The following FGF12 variants were observed in gnomAD, a reference collection of about 807,000 sequenced individuals.
FGF12 encodes the protein fibroblast growth factor 12B.
Under a neutral mutation model 23.6 loss-of-function variants are expected in FGF12, and 14 were observed. The ratio of observed to expected loss-of-function variants is 0.59; its 90% confidence interval spans 0.39 to 0.93. The LOEUF is 0.93. Among genes scored for constraint, FGF12 ranks in the 40% least tolerant of loss-of-function variants. The pLI, the probability that FGF12 is intolerant of heterozygous loss-of-function variation, is 0.00. For synonymous variants in FGF12, 62 were observed against 77.3 expected, an observed-to-expected ratio of 0.80 and a Z score of 1.04; for missense variants, 175 against 217.8, an observed-to-expected ratio of 0.80 and a Z score of 1.24.
intron 4 of FGF12, among the ~76,000 whole-genome samples, chr3:192,192,843 T>A (rs1716864174): frequency 6.6e-6 from 1 of 152,198 alleles, no homozygotes; most frequent in African/African-American, 2.4e-5. Flanking sequence ...TAGCATATCA[T>A]TGTGTAAATA....
At chr3:192,567,789 CTTTCTTTCTTTCTCTT>C (rs1211983243) in intron 2 of FGF12, among the ~76,000 whole-genome samples, 13 of 130,386 alleles carry the variant, frequency 1.0e-4, no homozygotes, top group African/African-American at 3.6e-4. Flanking sequence ...TTCTTTCTTT[CTTTCTTTCTTTCTCTT>C]TCTTTCTTTC....
intron 4 of FGF12, among the ~76,000 whole-genome samples, chr3:192,331,872 AAT>A (rs1717140742): frequency 6.6e-6 from 1 of 152,122 alleles, no homozygotes. Context: ...TGCTGAGAAA[AAT>A]ATTGGTCTAC....
chr3:192,284,380 C>A (rs1714324783), intron 4 of FGF12, among the ~76,000 whole-genome samples: 1 of 151,932 alleles, frequency 6.6e-6, no homozygotes, highest in Non-Finnish European at 1.5e-5. Flanking sequence ...AAAATATGCC[C>A]CAATTGCTGC....
chr3:192,167,754 TATATATATATATATAAAA>T lies in FGF12; in HGVS notation c.427+2686_427+2703del, dbSNP rs1560175616. Among the ~76,000 whole-genome samples the T allele has an allele frequency of 7.4e-4, 21 of 28,334 alleles. No homozygotes were observed. The South Asian group carries it at 0.012, about 17-fold the overall frequency. The allele number at this position is 28,334 out of a possible 152,430, so 18.6% of individuals were successfully genotyped here. A position where few individuals can be genotyped will look rare whatever the true frequency, so the allele number is the denominator to read the frequency against. ...AGGTATATATATATATATATATATATATATATATATATATAAAATTTTTTTTTTTTTTTTTTTTTGAGA... is the reference window on the plus strand; with the variant it reads ...AGGTATATATATATATATATATATATTTTTTTTTTTTTTTTTTTTTTGAGA... On this transcript the variant is annotated intron_variant, in intron 5 of 5. Transcript: ENST00000445105.
rs185479253 is a variant in FGF12 at position 192,520,212 on chromosome 3, C to T, written c.14-159674G>A. 5.0e-4 allele frequency among the ~76,000 whole-genome samples: 76 copies of T among 152,272 alleles called. 1 individual carries two copies. The highest frequency in any genetic ancestry group is 1.7e-3 in the African/African-American group (72 of 41,556). ...ATCGGTATATCTTTTTAGATAGATT[C>T]TGATATATCATGTAGAGCTAGAGAT... On this transcript the variant is annotated intron_variant, in intron 2 of 5. Coordinates refer to ENST00000445105, the MANE Select transcript of FGF12 (RefSeq NM_004113.6).
intron 2 of FGF12, among the ~76,000 whole-genome samples, chr3:192,598,925 T>C (rs1713978151): frequency 6.6e-6 from 1 of 152,086 alleles, no homozygotes; most frequent in African/African-American, 2.4e-5. Flanking sequence ...TGGAATACTA[T>C]GCAGCCATAA....
chr3:192,405,535 C>T (rs1456099708), intron 2 of FGF12, among the ~76,000 whole-genome samples: 1 of 151,338 alleles, frequency 6.6e-6, no homozygotes, highest in Non-Finnish European at 1.5e-5. Context: ...TTCCACTTCA[C>T]CACTTTACCA....
intron 4 of FGF12, among the ~76,000 whole-genome samples, chr3:192,183,875 G>C (rs1446004576): frequency 6.6e-6 from 1 of 152,084 alleles, no homozygotes; most frequent in East Asian, 1.9e-4. Flanking sequence ...TGCCACAGTG[G>C]GTGCTTTGCT....
intron 3 of FGF12, among the ~76,000 whole-genome samples, chr3:192,353,604 T>C (rs2108725856): frequency 6.6e-6 from 1 of 152,072 alleles, no homozygotes; most frequent in Middle Eastern, 3.4e-3. Flanking sequence ...CACCTGACCT[T>C]GTGATCCGCC....
At chr3:192,502,572 A>G (rs1221233852) in intron 2 of FGF12, among the ~76,000 whole-genome samples, 1 of 152,220 alleles carries the variant, frequency 6.6e-6, no homozygotes, top group Admixed American at 6.5e-5. Flanking sequence ...AACTACTGTG[A>G]TTACTTTTTC....
intron 4 of FGF12, among the ~76,000 whole-genome samples, chr3:192,186,613 G>A (rs894230996): frequency 5.3e-5 from 8 of 152,158 alleles, no homozygotes; most frequent in African/African-American, 1.9e-4. Flanking sequence ...GTGTGCGTGT[G>A]TGTGTGTATA....
Position 192,439,981 on chromosome 3 carries a change from A to G in FGF12, c.14-79443T>C, listed in dbSNP as rs572333127. Among the ~76,000 whole-genome samples, 549 of 151,764 alleles carry G rather than the reference A, an allele frequency of 3.6e-3. 5 individuals carry two copies. The highest frequency in any genetic ancestry group is 1.3e-3 in the Non-Finnish European group (87 of 67,942). ...ACAGAGCAAGACTCCATATGGAAAA[A>G]AAAAAAAAAAAGCATAATATAAGGA... is the stretch of plus-strand genomic sequence containing the variant. On this transcript the variant is annotated intron_variant, in intron 2 of 5. Transcript: ENST00000445105.
At chr3:192,536,626 A>T (rs750992147) in intron 2 of FGF12, among the ~76,000 whole-genome samples, 26 of 152,022 alleles carry the variant, frequency 1.7e-4, no homozygotes, top group Non-Finnish European at 2.6e-4. Flanking sequence ...TATATATATA[A>T]AATAAGATTT....
chr3:192,261,937 C>A (rs1712782139), intron 4 of FGF12, among the ~76,000 whole-genome samples: 1 of 152,092 alleles, frequency 6.6e-6, no homozygotes, highest in Admixed American at 6.6e-5. Flanking sequence ...ATGTGTCCAG[C>A]TGATTTTATT....
At chr3:192,714,961 C>T (rs979588610) in intron 2 of FGF12, among the ~76,000 whole-genome samples, 3 of 152,136 alleles carry the variant, frequency 2.0e-5, no homozygotes, top group Admixed American at 1.3e-4. Context: ...CTCATTGTTC[C>T]ATTAAGCAAG....
intron 2 of FGF12, among the ~76,000 whole-genome samples, chr3:192,640,780 G>A (rs574270786): frequency 3.6e-4 from 54 of 148,626 alleles, no homozygotes; most frequent in African/African-American, 1.3e-3. Flanking sequence ...TAGGCTGAGA[G>A]TTAAAACCCC....
chr3:192,546,297 A>G (rs982033806), intron 2 of FGF12, among the ~76,000 whole-genome samples: 2 of 152,168 alleles, frequency 1.3e-5, no homozygotes, highest in Non-Finnish European at 2.9e-5. Flanking sequence ...AGGGCTTACA[A>G]TAGGCACTAA....
chr3:192,211,587 A>G (rs1410221165), intron 4 of FGF12, among the ~76,000 whole-genome samples: 1 of 151,866 alleles, frequency 6.6e-6, no homozygotes, highest in African/African-American at 2.4e-5. Context: ...CACCACGCCT[A>G]GCTAAATTTT....
chr3:192,313,549 A>G (rs1716070249), intron 4 of FGF12, among the ~76,000 whole-genome samples: 1 of 152,216 alleles, frequency 6.6e-6, no homozygotes, highest in Non-Finnish European at 1.5e-5. Flanking sequence ...TCTGCAATGA[A>G]CACTCATCAA....
Sources: gnomAD v4.1 joint callset for allele counts (sites outside exome capture counted in the v4.1 genomes callset) on GRCh38, gnomAD v4.1.1 for gene constraint, MANE v1.5 for transcripts, NCBI Gene and HGNC (gene_info 2026-07-23, HGNC 2026-07-21) for gene names.